The following ITGA1 variants were observed in gnomAD, a reference collection of about 807,000 sequenced individuals.
ITGA1 encodes the protein integrin alpha-1.
ITGA1 carries 85 observed loss-of-function variants against 145.9 expected under a neutral mutation model. The ratio of observed to expected loss-of-function variants is 0.58; its 90% CI spans 0.49 to 0.70. The LOEUF is 0.70. Ranked by LOEUF, ITGA1 falls within the 30% of genes least tolerant of loss-of-function variation. ITGA1 has a pLI of 0.00. For missense variants in ITGA1, 1,351 were observed against 1,418.7 expected, an observed-to-expected ratio of 0.95 and a Z score of 0.77; for synonymous variants, 520 against 495.3, an observed-to-expected ratio of 1.05 and a Z score of -0.66.
At chr5:52,915,413 G>GT in intron 14 of ITGA1, 51 bp from the exon 15 acceptor site, 1 of 1,570,382 alleles carries the variant, frequency 6.4e-7, no homozygotes, top group Admixed American at 1.8e-5. Context: ...ATTTGAAACT[G>GT]TTTTGAACAG....
At chr5:52,842,683 T>G (rs1332773102) in intron 1 of ITGA1, among the ~76,000 whole-genome samples, 1 of 137,834 alleles carries the variant, frequency 7.3e-6, no homozygotes, top group Non-Finnish European at 1.5e-5. Flanking sequence ...TTCAGGAGCA[T>G]CATCTTTTTT....
chr5:52,862,901 CT>C (rs1463655428), intron 3 of ITGA1, among the ~76,000 whole-genome samples: 3 of 152,026 alleles, frequency 2.0e-5, no homozygotes, highest in East Asian at 3.9e-4. Flanking sequence ...TTTTTATGAA[CT>C]TTTTTTCTTT....
chr5:52,949,171 G>A (rs572037703), intron 28 of ITGA1, among the ~76,000 whole-genome samples: 63 of 152,214 alleles, frequency 4.1e-4, no homozygotes, highest in Non-Finnish European at 8.8e-4. Context: ...GTGATTCTAA[G>A]GTAGAAGGGA....
intron 11 of ITGA1, chr5:52,904,636 G>A (rs1049293597): frequency 6.6e-6 from 1 of 151,994 alleles, no homozygotes; most frequent in African/African-American, 2.4e-5. Flanking sequence ...GAGTGCATCA[G>A]GAGGTCAGGA....
intron 1 of ITGA1, chr5:52,824,578 A>C (rs1001478511): frequency 6.6e-6 from 1 of 152,290 alleles, no homozygotes; most frequent in African/African-American, 2.4e-5. Flanking sequence ...AGCATGAGCC[A>C]CTGTGCCCGG....
chr5:52,897,177 A>G (rs1360010243), intron 9 of ITGA1, among the ~76,000 whole-genome samples: 2 of 152,166 alleles, frequency 1.3e-5, no homozygotes, highest in East Asian at 1.9e-4. Context: ...ACAACATGCT[A>G]CAGTATAAGA....
chr5:52,807,806 A>T (rs116109972), intron 1 of ITGA1, among the ~76,000 whole-genome samples: 166 of 152,252 alleles, frequency 1.1e-3, no homozygotes, highest in African/African-American at 3.9e-3. Context: ...GTTATTTCAC[A>T]CCTAGTTTCA....
rs1750963259 is a variant in ITGA1, at chr5:52,936,250, ACAGGCGTGAGCCACCGCGCCCGGC to A, written c.2965-1147_2965-1124del. 8.5e-4 allele frequency among the ~76,000 whole-genome samples: 4 copies of A among 4,710 alleles called. 2 individuals carry two copies. The highest frequency in any genetic ancestry group is 1.4e-3 in the Non-Finnish European group (4 of 2,862). The allele number at this position is 4,710 out of a possible 152,430, so 3.1% of individuals were successfully genotyped here. A position where few individuals can be genotyped will look rare whatever the true frequency, so the allele number is the denominator to read the frequency against. On this transcript the variant is annotated intron_variant, in intron 23 of 28. Coordinates refer to ENST00000282588, the MANE Select transcript of ITGA1 (RefSeq NM_181501.2). ...CTCGGCCTCCCAAAGTGCTGGGATT[ACAGGCGTGAGCCACCGCGCCCGGC>A]CAGAACACAGGATTTCTAACTGAAT...
chr5:52,824,230 TC>T (rs1343725844), intron 1 of ITGA1: 1 of 152,016 alleles, frequency 6.6e-6, no homozygotes, highest in Non-Finnish European at 1.5e-5. Context: ...TATCCTTACT[TC>T]TGTTTCCTTT....
At chr5:52,857,692 G>GT (rs998866327) in intron 2 of ITGA1, among the ~76,000 whole-genome samples, 4 of 152,038 alleles carry the variant, frequency 2.6e-5, no homozygotes. Flanking sequence ...AACCTTAAGT[G>GT]TTATTTCACC....
At chr5:52,834,560 G>GAAAGAGAGAAGAA (rs1554042403) in intron 1 of ITGA1, among the ~76,000 whole-genome samples, 2 of 130,690 alleles carry the variant, frequency 1.5e-5, no homozygotes, top group Non-Finnish European at 3.3e-5. Context: ...GAAAGAGAGA[G>GAAAGAGAGAAGAA]AGAAAGAGAG....
intron 12 of ITGA1, 108 bp downstream of exon 12, chr5:52,906,016 C>A: frequency 1.1e-6 from 1 of 902,416 alleles, no homozygotes. Context: ...TATTCAGTAA[C>A]AACTGGGAAC....
chr5:52,866,146 C>T (rs1006936350), intron 6 of ITGA1, among the ~76,000 whole-genome samples: 1 of 152,122 alleles, frequency 6.6e-6, no homozygotes, highest in African/African-American at 2.4e-5. Flanking sequence ...TCTCCAGAAG[C>T]TGGAATTACA....
intron 1 of ITGA1, among the ~76,000 whole-genome samples, chr5:52,811,597 A>G (rs563437051): frequency 6.6e-6 from 1 of 152,218 alleles, no homozygotes; most frequent in East Asian, 1.9e-4. Context: ...ACACTCCCCT[A>G]TTTTTAAAGT....
chr5:52,919,519 A>G (rs187109637), intron 16 of ITGA1, among the ~76,000 whole-genome samples: 4 of 152,148 alleles, frequency 2.6e-5, no homozygotes, highest in Admixed American at 2.0e-4. Context: ...AAAGCTATAA[A>G]GGCCATTGGC....
At chr5:52,840,314 C>A (rs1038683990) in intron 1 of ITGA1, among the ~76,000 whole-genome samples, 1 of 152,142 alleles carries the variant, frequency 6.6e-6, no homozygotes, top group African/African-American at 2.4e-5. Flanking sequence ...AAGCGTAGTA[C>A]GCCTTTCCGT....
intron 23 of ITGA1, among the ~76,000 whole-genome samples, chr5:52,935,592 T>C (rs1750953460): frequency 6.6e-6 from 1 of 152,186 alleles, no homozygotes; most frequent in South Asian, 2.1e-4. Flanking sequence ...TATGAGGATC[T>C]GCTTCCTGCA....
intron 1 of ITGA1, among the ~76,000 whole-genome samples, chr5:52,793,548 GT>G (rs1398192062): frequency 6.6e-6 from 1 of 152,054 alleles, no homozygotes; most frequent in Non-Finnish European, 1.5e-5. Context: ...TTGGGAAAAT[GT>G]GCGTCTGAAA....
chr5:52,923,546 T>C (rs1456917407), intron 18 of ITGA1, among the ~76,000 whole-genome samples: 2 of 152,200 alleles, frequency 1.3e-5, no homozygotes, highest in South Asian at 2.1e-4. Flanking sequence ...CTCAGCCATA[T>C]CTCCAGGTTT....
Sources: allele counts gnomAD v4.1 joint callset (sites outside exome capture counted in the v4.1 genomes callset), GRCh38; gene constraint gnomAD v4.1.1; transcripts MANE v1.5; gene names NCBI Gene and HGNC (gene_info 2026-07-23, HGNC 2026-07-21).